Variants in RPIA observed in about 807,000 individuals in gnomAD.
RPIA encodes ribose 5-phosphate isomerase A.
Under a neutral mutation model 37.8 loss-of-function variants are expected in RPIA, and 29 were observed. The observed-to-expected ratio is 0.77, with a 90% CI of 0.57 to 1.05. The LOEUF is 1.05. RPIA is among the 50% of genes least tolerant of loss of function. The pLI is 0.00. For missense variants in RPIA, 385 were observed against 413.6 expected, an observed-to-expected ratio of 0.93 and a Z score of 0.60; for synonymous variants, 167 against 157.0, an observed-to-expected ratio of 1.06 and a Z score of -0.48.
At chr2:88,701,255 T>TA (rs1672828020) in intron 3 of RPIA, among the ~76,000 whole-genome samples, 1 of 151,756 alleles carries the variant, frequency 6.6e-6, no homozygotes, top group Non-Finnish European at 1.5e-5. Flanking sequence ...TATAGCTTTT[T>TA]TTTTTTTTTT....
intron 3 of RPIA, among the ~76,000 whole-genome samples, chr2:88,711,029 C>G (rs1282625556): frequency 6.6e-6 from 1 of 152,198 alleles, no homozygotes; most frequent in Non-Finnish European, 1.5e-5. Flanking sequence ...TAAGTGTTTT[C>G]CTGTTGATGG....
At chr2:88,716,382 C>G (rs769792967) in intron 3 of RPIA, among the ~76,000 whole-genome samples, 2 of 152,216 alleles carry the variant, frequency 1.3e-5, no homozygotes, top group Non-Finnish European at 2.9e-5. Flanking sequence ...TCAGGACCTC[C>G]TGAGTCTCTG....
At chr2:88,700,310 C>G (rs1438547346) in intron 3 of RPIA, among the ~76,000 whole-genome samples, 1 of 152,064 alleles carries the variant, frequency 6.6e-6, no homozygotes, top group Non-Finnish European at 1.5e-5. Flanking sequence ...AGAGATGGCC[C>G]GGTAGTCTCT....
At chr2:88,700,573 G>A (rs1404894938) in intron 3 of RPIA, among the ~76,000 whole-genome samples, 1 of 152,140 alleles carries the variant, frequency 6.6e-6, no homozygotes, top group Middle Eastern at 3.2e-3. Flanking sequence ...GATCTCCCTT[G>A]AGCCCAGGAG....
intron 3 of RPIA, among the ~76,000 whole-genome samples, chr2:88,711,470 C>A (rs1672961867): frequency 6.6e-6 from 1 of 152,154 alleles, no homozygotes; most frequent in African/African-American, 2.4e-5. Flanking sequence ...GACCTGGAAT[C>A]AATAGAAGGG....
intron 5 of RPIA, 129 bp downstream of exon 5, chr2:88,734,745 T>C: frequency 3.1e-6 from 3 of 976,232 alleles, no homozygotes. Flanking sequence ...AGGATATTGA[T>C]AGCATATGGC....
At chr2:88,695,802 G>T (rs1015813059) in intron 1 of RPIA, among the ~76,000 whole-genome samples, 3 of 152,188 alleles carry the variant, frequency 2.0e-5, no homozygotes, top group African/African-American at 7.2e-5. Flanking sequence ...GGAACTGTGA[G>T]CTAGTAAAAG....
At chr2:88,740,512 T>G (rs535746256) in intron 8 of RPIA, among the ~76,000 whole-genome samples, 1 of 152,346 alleles carries the variant, frequency 6.6e-6, no homozygotes, top group African/African-American at 2.4e-5. Context: ...CGAGTTTCCC[T>G]GTTTATCTCT....
chr2:88,708,687 G>A (rs1388820448), intron 3 of RPIA, among the ~76,000 whole-genome samples: 1 of 151,894 alleles, frequency 6.6e-6, no homozygotes, highest in Admixed American at 6.6e-5. Flanking sequence ...TTGCTCTTGG[G>A]TTAAGCAAAA....
In RPIA at chr2:88,709,080, G is replaced by A. The variant is rs191472798; in HGVS notation, c.402+9016G>A. ...CAGCCAGCTGGATCTTTACTATTCC[G>A]TTTATTTGTTCCACCGATCCAGAAG... On this transcript the variant is annotated intron_variant, in intron 3 of 8. Coordinates refer to ENST00000283646, the MANE Select transcript of RPIA (RefSeq NM_144563.3). Among the ~76,000 whole-genome samples the A allele has an allele frequency of 1.2e-4, 18 of 152,208 alleles. No individual in the cohort carries two copies. In the South Asian group the frequency reaches 1.7e-3, roughly 14 times the overall value.
intron 8 of RPIA, among the ~76,000 whole-genome samples, chr2:88,742,202 C>A (rs931302447): frequency 6.6e-6 from 1 of 152,126 alleles, no homozygotes; most frequent in African/African-American, 2.4e-5. Context: ...CAATTTAAGT[C>A]TTTGATCCAT....
intron 2 of RPIA, among the ~76,000 whole-genome samples, chr2:88,699,692 C>A (rs547252997): frequency 1.1e-3 from 174 of 152,314 alleles, no homozygotes; most frequent in African/African-American, 3.8e-3. Context: ...AATAATTTAA[C>A]TTACCTTTTG....
rs558180365 is a variant in RPIA, at chr2:88,726,366, A to AT, written c.403-2900dup. Among the ~76,000 whole-genome samples, 169 of 146,194 alleles carry AT rather than the reference A, an allele frequency of 1.2e-3. 1 individual carries two copies. The South Asian group carries it at 0.012, about 10-fold the overall frequency. Reference sequence around the variant, plus strand: ...TCTTAAAACATTGAGTTTTTTTGTGATTTTTTTTTTTTAAGCTCACCAGCT... The same window carrying AT: ...TCTTAAAACATTGAGTTTTTTTGTGATTTTTTTTTTTTTAAGCTCACCAGCT... On this transcript the variant is annotated intron_variant, in intron 3 of 8. Transcript: ENST00000283646.
rs548656783 is a variant in RPIA at position 88,702,118 on chromosome 2, T to C, written c.402+2054T>C. On this transcript the variant is annotated intron_variant, in intron 3 of 8. Transcript: ENST00000283646. Reference sequence around the variant, plus strand: ...ATGATTTATAATGTCTAATTGCTTGTCCATTTTCTGCTGGGAGTACAATTT... The same window carrying C: ...ATGATTTATAATGTCTAATTGCTTGCCCATTTTCTGCTGGGAGTACAATTT... Among the ~76,000 whole-genome samples the C allele has an allele frequency of 5.9e-5, 9 of 152,384 alleles. No individual in the cohort carries two copies. In the South Asian group the frequency reaches 1.2e-3, roughly 21 times the overall value.
intron 8 of RPIA, among the ~76,000 whole-genome samples, chr2:88,744,180 C>G (rs1673414320): frequency 6.6e-6 from 1 of 152,092 alleles, no homozygotes; most frequent in African/African-American, 2.4e-5. Context: ...TTTGCTGTAT[C>G]CCAGAGGTTT....
chr2:88,708,198 T>C (rs1214036659), intron 3 of RPIA, among the ~76,000 whole-genome samples: 1 of 152,232 alleles, frequency 6.6e-6, no homozygotes, highest in African/African-American at 2.4e-5. Flanking sequence ...TCAGGTCTTG[T>C]CTGCTTTCCA....
chr2:88,740,387 T>C (rs1180285991), intron 8 of RPIA, among the ~76,000 whole-genome samples: 1 of 152,226 alleles, frequency 6.6e-6, no homozygotes, highest in Admixed American at 6.5e-5. Flanking sequence ...AATCATATAA[T>C]GTGATATCTA....
intron 4 of RPIA, 123 bp downstream of exon 4, chr2:88,729,460 G>C: frequency 1.0e-6 from 1 of 979,242 alleles, no homozygotes. Flanking sequence ...GTTGTACCAA[G>C]TTTTCTCCTG....
chr2:88,749,599 G>C (rs999253158), intron 8 of RPIA, among the ~76,000 whole-genome samples: 1 of 152,282 alleles, frequency 6.6e-6, no homozygotes, highest in Admixed American at 6.5e-5. Context: ...GGGCTCCTTG[G>C]CTGGAGTAGT....
Sources: allele counts gnomAD v4.1 joint callset (sites outside exome capture counted in the v4.1 genomes callset), GRCh38; gene constraint gnomAD v4.1.1; transcripts MANE v1.5; gene names NCBI Gene and HGNC (gene_info 2026-07-23, HGNC 2026-07-21).